Variants in HADHA observed in about 807,000 individuals in gnomAD.
HADHA encodes the protein hydroxyacyl-CoA dehydrogenase trifunctional multienzyme complex subunit alpha, also known as trifunctional enzyme subunit alpha, mitochondrial.
HADHA carries 59 observed loss-of-function variants against 91.3 expected under a neutral mutation model. The ratio of observed to expected loss-of-function variants is 0.65; its 90% CI spans 0.52 to 0.80. The LOEUF (loss-of-function observed/expected upper bound fraction) is 0.80. Ranked by LOEUF, HADHA falls within the 30% of genes least tolerant of loss-of-function variation. The probability of loss-of-function intolerance (pLI) is 0.00; values close to 1 mark genes in which losing one functional copy is unlikely to be tolerated. For synonymous variants in HADHA, 320 were observed against 338.9 expected, an observed-to-expected ratio of 0.94 and a Z score of 0.61; for missense variants, 800 against 927.6, an observed-to-expected ratio of 0.86 and a Z score of 1.79.
At chr2:26,211,837 G>C (rs890945379) in intron 10 of HADHA, 1 of 152,482 alleles carries the variant, frequency 6.6e-6, no homozygotes, top group African/African-American at 2.4e-5. Context: ...GTGGGTACAA[G>C]ATACTTCCTT....
rs1670018644 is a variant in HADHA, at chr2:26,208,428, G to T, written c.1085+1352C>A. ...ACGACAATAAATGCTCAGGCAGGAG[G>T]AGTCTGGAGTTAATAAATTAAGACA... On this transcript the variant is annotated intron_variant, in intron 11 of 19. Coordinates refer to ENST00000380649, the MANE Select transcript of HADHA (RefSeq NM_000182.5). Among the ~76,000 whole-genome samples, 5 of 152,260 alleles carry T rather than the reference G, an allele frequency of 3.3e-5. No homozygotes were observed. In the South Asian group the frequency reaches 1.0e-3, roughly 32 times the overall value.
chr2:26,230,289 A>G lies in HADHA; in HGVS notation c.579T>C (p.Gly193=). The G allele has an allele frequency of 1.2e-6, 2 of 1,605,280 alleles. No homozygotes were observed. The highest frequency in any genetic ancestry group is 1.7e-6 in the Non-Finnish European group (2 of 1,172,000). Reference sequence around the variant, plus strand: ...GCATCATGTCCAAAGCAGCAGGCACACCCACCTAACAGGCAAGCAAGGATG... The same window carrying G: ...GCATCATGTCCAAAGCAGCAGGCACGCCCACCTAACAGGCAAGCAAGGATG... ...GGTQRLPKMV[G]VPAALDMMLT... is the part of the protein sequence containing the mutation. The change falls in exon 7 of 20, where the codon GGT becomes GGC. Residue 193 remains glycine (G), a synonymous_variant. Transcript: ENST00000380649.
rs1670367754 is a variant in HADHA, at chr2:26,221,188, G to A, written c.677-6013C>T. 6.6e-6 allele frequency among the ~76,000 whole-genome samples: 1 copy of A among 152,190 alleles called. No homozygotes were observed. The highest frequency in any genetic ancestry group is 1.5e-5 in the Non-Finnish European group (1 of 68,034). ...GTAACTAAAAAAGCTGCTAGTTTAAGTGGGACCCAGAACAAGAGAAGCTGT... is the reference window on the plus strand; with the variant it reads ...GTAACTAAAAAAGCTGCTAGTTTAAATGGGACCCAGAACAAGAGAAGCTGT... On this transcript the variant is annotated intron_variant, in intron 7 of 19. Coordinates refer to ENST00000380649, the MANE Select transcript of HADHA (RefSeq NM_000182.5). This position sits in a 1 kb window ranked among gnomAD's most constrained non-coding sequence, Gnocchi z 4.8.
intron 11 of HADHA, among the ~76,000 whole-genome samples, chr2:26,204,898 C>A (rs1012849077): frequency 2.0e-5 from 3 of 152,120 alleles, no homozygotes; most frequent in African/African-American, 7.2e-5. Flanking sequence ...TCATTTCCCC[C>A]AAAATCTGTG....
At chr2:26,208,335 C>G (rs1670015899) in intron 11 of HADHA, among the ~76,000 whole-genome samples, 1 of 151,962 alleles carries the variant, frequency 6.6e-6, no homozygotes, top group Admixed American at 6.5e-5. Context: ...TTTTTGCATA[C>G]TGACTACACA....
rs760608614 is a variant in HADHA, at chr2:26,204,050, G to C, written c.1220+12C>G. 12 of 1,613,220 alleles carry C rather than the reference G, an allele frequency of 7.4e-6. No homozygotes were observed. In the South Asian group the frequency reaches 7.7e-5, roughly 10 times the overall value. ...ACATTCTAACTCTTGCAAAGAGAGA[G>C]AGCAGGCTTACCCTTTGAACACTTG... On this transcript the variant is annotated intron_variant, in intron 12 of 19. Transcript: ENST00000380649.
intron 7 of HADHA, among the ~76,000 whole-genome samples, chr2:26,228,346 G>T (rs1670533040): frequency 6.6e-6 from 1 of 152,058 alleles, no homozygotes. Flanking sequence ...GGTCAGGCTG[G>T]TGTTGAATTC....
intron 11 of HADHA, among the ~76,000 whole-genome samples, chr2:26,207,928 A>T (rs946944104): frequency 2.0e-5 from 3 of 152,212 alleles, no homozygotes; most frequent in Admixed American, 6.5e-5. Context: ...TGGAAGAATT[A>T]CTGATAACTG....
chr2:26,203,136 T>G (rs1020002795), intron 12 of HADHA, among the ~76,000 whole-genome samples: 1 of 152,258 alleles, frequency 6.6e-6, no homozygotes, highest in African/African-American at 2.4e-5. Flanking sequence ...CAGAATCTTC[T>G]ACTACAACTT....
intron 7 of HADHA, among the ~76,000 whole-genome samples, chr2:26,219,680 G>A (rs563922515): frequency 6.6e-6 from 1 of 152,208 alleles, no homozygotes; most frequent in African/African-American, 2.4e-5. Flanking sequence ...CAGGGCCCAA[G>A]TAGCAGCACC....
intron 1 of HADHA, among the ~76,000 whole-genome samples, chr2:26,241,488 A>T (rs181769114): frequency 1.2e-4 from 18 of 151,734 alleles, no homozygotes; most frequent in African/African-American, 3.9e-4. Flanking sequence ...AAAAAAAAAA[A>T]AACAAAAAAA....
intron 7 of HADHA, among the ~76,000 whole-genome samples, chr2:26,220,434 G>A (rs1049852769): frequency 1.3e-5 from 2 of 152,226 alleles, no homozygotes; most frequent in Non-Finnish European, 2.9e-5. Context: ...GGACTGCAGA[G>A]ATTAGTGTCA....
At chr2:26,209,957 C>T (rs758024143) in intron 10 of HADHA, 68 bp from the exon 11 acceptor site, 5 of 881,870 alleles carry the variant, frequency 5.7e-6, no homozygotes, top group Non-Finnish European at 9.7e-6. Context: ...TCCTTCAGTT[C>T]AGGTTCCTCT....
At chr2:26,191,873 G>A (rs1669516469) in intron 18 of HADHA, among the ~76,000 whole-genome samples, 1 of 152,226 alleles carries the variant, frequency 6.6e-6, no homozygotes, top group African/African-American at 2.4e-5. Context: ...AAGATAATCA[G>A]TATCTCTTTG....
intron 11 of HADHA, among the ~76,000 whole-genome samples, chr2:26,205,469 A>G (rs1669948559): frequency 6.6e-6 from 1 of 152,192 alleles, no homozygotes; most frequent in African/African-American, 2.4e-5. Flanking sequence ...TACAGTAGAG[A>G]AACAAAAAAT....
Position 26,210,044 on chromosome 2 carries a change from T to G in HADHA, c.976-155A>C, listed in dbSNP as rs1194557430. Among the ~76,000 whole-genome samples the G allele has an allele frequency of 6.6e-6, 1 of 152,154 alleles. No individual in the cohort carries two copies. The highest frequency in any genetic ancestry group is 1.5e-5 in the Non-Finnish European group (1 of 68,018). On this transcript the variant is annotated intron_variant, in intron 10 of 19. Coordinates refer to ENST00000380649, the MANE Select transcript of HADHA (RefSeq NM_000182.5). The surrounding 1 kb of genome is among the most constrained non-coding windows in gnomAD (Gnocchi z 4.0). ...GTTTGGGGGTTCAGTGCTGCAGAAG[T>G]CTGTCTCTCACTGATGTGTCTTGTC...
intron 12 of HADHA, among the ~76,000 whole-genome samples, 166 bp from the exon 13 acceptor site, chr2:26,201,486 T>C (rs1020988670): frequency 2.6e-5 from 4 of 152,226 alleles, no homozygotes; most frequent in African/African-American, 7.2e-5. Flanking sequence ...TAGAGGGACC[T>C]GTGGTCAAAT....
Position 26,244,600 on chromosome 2 carries a change from G to A in HADHA, c.-4C>T. 2 of 1,576,980 alleles carry A rather than the reference G, an allele frequency of 1.3e-6. No homozygotes were observed. The highest frequency in any genetic ancestry group is 1.7e-6 in the Non-Finnish European group (2 of 1,160,736). On this transcript the variant is annotated 5_prime_UTR_variant, in exon 1 of 20. Transcript: ENST00000380649. ...CAATCGCCCGGCAGGCCACCATCTT[G>A]AGCTGAAGAGGACAGCAGTGGAGAG... is the stretch of plus-strand genomic sequence containing the variant.
intron 1 of HADHA, 111 bp from the exon 2 acceptor site, chr2:26,239,254 G>C (rs1670836135): frequency 2.5e-6 from 2 of 801,028 alleles, no homozygotes; most frequent in Non-Finnish European, 4.5e-6. Context: ...CCCCAAATCT[G>C]TACAATGTAT....
Sources: gnomAD v4.1 joint callset for allele counts (sites outside exome capture counted in the v4.1 genomes callset) on GRCh38, gnomAD v4.1.1 for gene constraint, Gnocchi (gnomAD v3.1) non-coding constraint, MANE v1.5 for transcripts, NCBI Gene and HGNC (gene_info 2026-07-23, HGNC 2026-07-21) for gene names.